The following ABCA13 variants were observed in gnomAD, a reference collection of about 807,000 sequenced individuals.
ABCA13 encodes ATP-binding cassette sub-family A member 13.
Under a neutral mutation model 478.7 loss-of-function variants are expected in ABCA13, and 476 were observed. The observed-to-expected ratio is 0.99, with a 90% CI of 0.92 to 1.07. The LOEUF is 1.07. ABCA13 is among the 50% of genes least tolerant of loss of function. ABCA13 has a pLI of 0.00. For missense variants in ABCA13, 6,060 were observed against 5,910.6 expected, an observed-to-expected ratio of 1.03 and a Z score of -0.83; for synonymous variants, 2,252 against 2,158.9, an observed-to-expected ratio of 1.04 and a Z score of -1.20.
intron 33 of ABCA13, among the ~76,000 whole-genome samples, chr7:48,372,743 G>A (rs1812854551): frequency 6.6e-6 from 1 of 152,096 alleles, no homozygotes; most frequent in Non-Finnish European, 1.5e-5. Flanking sequence ...GCAGATTCTG[G>A]AAAATAAGCA....
intron 19 of ABCA13, among the ~76,000 whole-genome samples, chr7:48,282,882 C>T (rs1434993593): frequency 6.6e-6 from 1 of 152,142 alleles, no homozygotes; most frequent in Non-Finnish European, 1.5e-5. Flanking sequence ...TTGATCACTA[C>T]AAACCTGGCA....
At chr7:48,497,414 A>T (rs1015210247) in intron 48 of ABCA13, among the ~76,000 whole-genome samples, 2 of 152,172 alleles carry the variant, frequency 1.3e-5, no homozygotes, top group African/African-American at 4.8e-5. Context: ...GTTCATTTTG[A>T]CATTACCATT....
At chr7:48,205,256 C>T (rs1784779998) in intron 3 of ABCA13, among the ~76,000 whole-genome samples, 1 of 152,104 alleles carries the variant, frequency 6.6e-6, no homozygotes, top group African/African-American at 2.4e-5. Flanking sequence ...TTCCTTTCAC[C>T]CGCTGGTCTG....
chr7:48,385,483 G>T (rs557967985), intron 35 of ABCA13, among the ~76,000 whole-genome samples: 4 of 152,276 alleles, frequency 2.6e-5, no homozygotes, highest in Non-Finnish European at 4.4e-5. Context: ...CAAAGGACAT[G>T]ATCTCATTCC....
chr7:48,281,461 C>T lies in ABCA13; in HGVS notation c.8836+9C>T, dbSNP rs191220698. ...GCTCACCATCGTTGCAGGTGGGCTG[C>T]TCATATAACAAGTGCTCTGCAATTG... On this transcript the variant is annotated intron_variant, in intron 19 of 61. Coordinates refer to ENST00000435803, the MANE Select transcript of ABCA13 (RefSeq NM_152701.5). 1,593 of 1,581,358 alleles carry T rather than the reference C, an allele frequency of 1.0e-3. 20 individuals carry two copies. The highest frequency in any genetic ancestry group is 1.3e-4 in the Non-Finnish European group (154 of 1,162,850).
chr7:48,620,517 G>A (rs1793033249), intron 59 of ABCA13, among the ~76,000 whole-genome samples: 2 of 152,070 alleles, frequency 1.3e-5, no homozygotes, highest in South Asian at 4.2e-4. Context: ...GGCCTGTGCA[G>A]CACCCTCACC....
chr7:48,279,702 A>T lies in ABCA13; in HGVS notation c.8508A>T (p.Glu2836Asp). ...AAGGACTTCTGTTTAACAACTCTGA[A>T]TGGATAACTTCCACAAGAACTTTGT... Reference protein sequence around the residue: ...WRKGLLFNNSEWITSTRTLFQ... With the variant: ...WRKGLLFNNSDWITSTRTLFQ... The change falls in exon 18 of 62, where the codon GAA becomes GAT. Residue 2836 changes from glutamate (E) to aspartate (D), a missense_variant. By Grantham distance (45) the Glu-to-Asp change is conservative (BLOSUM62 2). Around this residue, in one of 3 missense-constraint regions of ABCA13, gnomAD observed 4,423 missense variants for 4,309.1 expected, o/e 1.03. Coordinates refer to ENST00000435803, the MANE Select transcript of ABCA13 (RefSeq NM_152701.5). 1 of 1,613,698 alleles carries T rather than the reference A, an allele frequency of 6.2e-7. No homozygotes were observed. The highest frequency in any genetic ancestry group is 2.2e-5 in the East Asian group (1 of 44,798).
chr7:48,637,719 C>T (rs1236699934), intron 59 of ABCA13, among the ~76,000 whole-genome samples: 1 of 152,090 alleles, frequency 6.6e-6, no homozygotes, highest in Non-Finnish European at 1.5e-5. Flanking sequence ...TTTTATCCCA[C>T]TGACTTGGCT....
intron 54 of ABCA13, 22 bp downstream of exon 54, chr7:48,524,462 A>G (rs770858198): frequency 3.0e-5 from 48 of 1,589,542 alleles, no homozygotes; most frequent in Non-Finnish European, 4.1e-5. Context: ...TCTATTTTTA[A>G]TCTTCTTCTG....
At chr7:48,316,465 A>G (rs1802598141) in intron 26 of ABCA13, among the ~76,000 whole-genome samples, 1 of 152,226 alleles carries the variant, frequency 6.6e-6, no homozygotes, top group Admixed American at 6.5e-5. Context: ...TGAAAATGTA[A>G]GTCATTCTTT....
chr7:48,613,900 T>G (rs1198588868), intron 58 of ABCA13, among the ~76,000 whole-genome samples: 2 of 148,084 alleles, frequency 1.4e-5, no homozygotes, highest in East Asian at 3.9e-4. Context: ...TTGTAACATA[T>G]TTCAAATTGA....
At chr7:48,198,983 A>T (rs541068620) in intron 3 of ABCA13, among the ~76,000 whole-genome samples, 14 of 152,268 alleles carry the variant, frequency 9.2e-5, no homozygotes, top group African/African-American at 3.1e-4. Context: ...AACTTGGGGG[A>T]TACTGAATGC....
chr7:48,644,769 A>T lies in ABCA13; in HGVS notation c.15081+15A>T, dbSNP rs766442326. On this transcript the variant is annotated intron_variant, in intron 61 of 61. Transcript: ENST00000435803. ...CTTTGGAGCAGGTATAGTATCTTGAATGATTCAGGAGGTTGAATTTTGGTC... is the reference window on the plus strand; with the variant it reads ...CTTTGGAGCAGGTATAGTATCTTGATTGATTCAGGAGGTTGAATTTTGGTC... 1 of 1,570,494 alleles carries T rather than the reference A, an allele frequency of 6.4e-7. No homozygotes were observed.
At chr7:48,565,493 A>G (rs976458184) in intron 55 of ABCA13, among the ~76,000 whole-genome samples, 1 of 152,044 alleles carries the variant, frequency 6.6e-6, no homozygotes, top group Non-Finnish European at 1.5e-5. Flanking sequence ...GAGAACTTCA[A>G]CTTGTATTAG....
chr7:48,276,068 A>G lies in ABCA13; in HGVS notation c.6402A>G (p.Ala2134=), dbSNP rs760039380. Residue 2134 remains alanine, a synonymous_variant, in exon 17 of 62, where the codon GCA becomes GCG. Transcript: ENST00000435803. Reference sequence around the variant, plus strand: ...CAAAAAACTGGCTTCAGGAATATGCAAATGAGGATTACTCCAGAATGATAG... The same window carrying G: ...CAAAAAACTGGCTTCAGGAATATGCGAATGAGGATTACTCCAGAATGATAG... ...LVTKNWLQEY[A]NEDYSRMIET... The G allele has an allele frequency of 5.6e-6, 9 of 1,606,012 alleles. No homozygotes were observed. The highest frequency in any genetic ancestry group is 1.1e-5 in the South Asian group (1 of 89,876).
At chr7:48,503,496 T>C (rs766922510) in intron 48 of ABCA13, among the ~76,000 whole-genome samples, 22 of 152,254 alleles carry the variant, frequency 1.4e-4, no homozygotes, top group Admixed American at 8.5e-4. Flanking sequence ...TTCTGTGAAT[T>C]TGACTTTTAA....
chr7:48,599,995 T>A (rs2131471710), intron 58 of ABCA13, among the ~76,000 whole-genome samples: 1 of 152,334 alleles, frequency 6.6e-6, no homozygotes, highest in Admixed American at 6.5e-5. Flanking sequence ...GGGTATTCTA[T>A]CAATTACTGA....
intron 1 of ABCA13, among the ~76,000 whole-genome samples, chr7:48,179,011 AT>A (rs1795278962): frequency 1.3e-5 from 2 of 148,584 alleles, no homozygotes; most frequent in Non-Finnish European, 3.0e-5. Flanking sequence ...AATAATAATA[AT>A]AATAATAATA....
At chr7:48,245,719 G>C (rs965030933) in intron 12 of ABCA13, 107 bp downstream of exon 12, 2 of 1,419,304 alleles carry the variant, frequency 1.4e-6, no homozygotes, top group African/African-American at 2.9e-5. Context: ...GCTAAAAAAG[G>C]GAACAATATG....
Sources: allele counts gnomAD v4.1 joint callset (sites outside exome capture counted in the v4.1 genomes callset), GRCh38; gene constraint gnomAD v4.1.1; regional missense constraint gnomAD v4.1.1; transcripts MANE v1.5; gene names NCBI Gene and HGNC (gene_info 2026-07-23, HGNC 2026-07-21).